FGD4: variants seen among roughly 807,000 people sequenced by gnomAD.
FGD4 encodes the protein FYVE, RhoGEF and PH domain containing 4, also known as FYVE, RhoGEF and PH domain-containing protein 4.
In FGD4, 42 loss-of-function variants were observed where a neutral mutation model predicts 102.0. That is an observed-to-expected ratio of 0.41 (90% CI 0.32 to 0.53). FGD4 has a LOEUF of 0.53. FGD4 is among the 20% of genes least tolerant of loss of function. The probability of loss-of-function intolerance (pLI) is 0.21; values close to 1 mark genes in which losing one functional copy is unlikely to be tolerated. For missense variants in FGD4, 902 were observed against 1,078.2 expected, an observed-to-expected ratio of 0.84 and a Z score of 2.29; for synonymous variants, 380 against 375.7, an observed-to-expected ratio of 1.01 and a Z score of -0.13.
intron 1 of FGD4, among the ~76,000 whole-genome samples, chr12:32,488,043 G>C (rs1255955986): frequency 6.6e-6 from 1 of 152,106 alleles, no homozygotes. Flanking sequence ...ATGCATAGGA[G>C]ATAAATCAAG....
At chr12:32,572,653 T>G (rs924761316) in intron 2 of FGD4, among the ~76,000 whole-genome samples, 1 of 152,236 alleles carries the variant, frequency 6.6e-6, no homozygotes, top group Non-Finnish European at 1.5e-5. Context: ...CATAACTAAT[T>G]TGGGAAATCT....
chr12:32,538,344 C>T (rs1007336828), intron 1 of FGD4, among the ~76,000 whole-genome samples: 1 of 152,148 alleles, frequency 6.6e-6, no homozygotes, highest in Non-Finnish European at 1.5e-5. Context: ...TTCTAATATT[C>T]AGTGCCTTTT....
rs973555713 is a variant in FGD4, at chr12:32,644,012, A to G, written c.*3479A>G. On this transcript the variant is annotated 3_prime_UTR_variant, in exon 17 of 17. Coordinates refer to ENST00000534526, the MANE Select transcript of FGD4 (RefSeq NM_001370298.3). ...CTAGGGAACAAGCGTCTTGGGTTTT[A>G]TAGGTATCTTTGCTATAATGCAGAA... 3.3e-5 allele frequency: 5 copies of G among 152,164 alleles called. No homozygotes were observed. The allele number at this position is 152,164 out of a possible 1,614,324, so 9.4% of individuals were successfully genotyped here.
chr12:32,636,447 C>T (rs936068293), intron 15 of FGD4, among the ~76,000 whole-genome samples: 1 of 151,920 alleles, frequency 6.6e-6, no homozygotes, highest in Non-Finnish European at 1.5e-5. Context: ...GCAGGATAAT[C>T]GCTTGAACCT....
intron 1 of FGD4, among the ~76,000 whole-genome samples, chr12:32,495,695 CAA>C (rs766436638): frequency 3.8e-4 from 29 of 76,026 alleles, no homozygotes; most frequent in African/African-American, 4.3e-4. Context: ...GACTCTGTTT[CAA>C]AAAAAAAAAA....
intron 1 of FGD4, chr12:32,486,142 C>T (rs1486414190): frequency 3.3e-6 from 5 of 1,526,774 alleles, no homozygotes; most frequent in East Asian, 4.9e-5. Context: ...TTATGGGGGG[C>T]TGTGAGTATT....
chr12:32,453,202 A>AT lies in FGD4; in HGVS notation c.166+53244dup, dbSNP rs1341534120. 3.2e-3 allele frequency among the ~76,000 whole-genome samples: 380 copies of AT among 117,558 alleles called. 1 individual carries two copies. Among genetic ancestry groups the AT allele is most frequent in the East Asian group, 0.013 (57 of 4,258 alleles). 77.1% of individuals were successfully genotyped at this position (117,558 alleles called of 152,430 possible). On this transcript the variant is annotated intron_variant, in intron 1 of 16. Transcript: ENST00000534526. ...TATATATATATTTTATATATATATT[A>AT]TATATATATATATATATAATATAGA...
At chr12:32,600,413 A>G (rs1228495051) in intron 5 of FGD4, 1 of 1,284,478 alleles carries the variant, frequency 7.8e-7, no homozygotes, top group African/African-American at 1.5e-5. Flanking sequence ...TCTCAAGAAA[A>G]TAGAGTGGAG....
At position 32,439,374 on chromosome 12, in the gene FGD4, G is replaced by T. The variant is rs567000400; in HGVS notation, c.166+39415G>T. Among the ~76,000 whole-genome samples, 58 of 152,296 alleles carry T rather than the reference G, an allele frequency of 3.8e-4. No homozygotes were observed. In the South Asian group the frequency reaches 0.012, roughly 31 times the overall value. On this transcript the variant is annotated intron_variant, in intron 1 of 16. Transcript: ENST00000534526. ...TATTCAGCTGTTGCTGAACACTTAGGTTGATTCCATATCTTGGCTATTGTG... is the reference window on the plus strand; with the variant it reads ...TATTCAGCTGTTGCTGAACACTTAGTTTGATTCCATATCTTGGCTATTGTG...
chr12:32,487,827 G>A (rs925126418), intron 1 of FGD4, among the ~76,000 whole-genome samples: 1 of 152,130 alleles, frequency 6.6e-6, no homozygotes, highest in African/African-American at 2.4e-5. Context: ...TCAGCCTCCC[G>A]ATAGCTGGGA....
At chr12:32,610,256 A>AT (rs1949057711) in intron 8 of FGD4, among the ~76,000 whole-genome samples, 1 of 152,218 alleles carries the variant, frequency 6.6e-6, no homozygotes, top group African/African-American at 2.4e-5. Flanking sequence ...TGGAGCTAAA[A>AT]TACTTAATGG....
intron 14 of FGD4, among the ~76,000 whole-genome samples, chr12:32,627,719 C>T (rs571133116): frequency 3.2e-4 from 49 of 151,918 alleles, no homozygotes; most frequent in Non-Finnish European, 5.7e-4. Flanking sequence ...CTCAGGCCAG[C>T]GAAGGCAGAT....
At chr12:32,614,405 A>C (rs1047848106) in intron 10 of FGD4, among the ~76,000 whole-genome samples, 4 of 152,226 alleles carry the variant, frequency 2.6e-5, no homozygotes, top group Admixed American at 2.6e-4. Context: ...AAAGAGGTCC[A>C]GTCAAGAGCA....
In FGD4 at chr12:32,640,700, G is replaced by A. The variant is rs138847108; in HGVS notation, c.*167G>A. On this transcript the variant is annotated 3_prime_UTR_variant, in exon 17 of 17. Transcript: ENST00000534526. ...TTTATGTACTCTTAGTGAAATTAGTGTGCAGAGTCATTCTACCGATAAAGT... is the reference window on the plus strand; with the variant it reads ...TTTATGTACTCTTAGTGAAATTAGTATGCAGAGTCATTCTACCGATAAAGT... The A allele has an allele frequency of 4.3e-4, 401 of 924,366 alleles. 1 individual carries two copies. In the African/African-American group the frequency reaches 6.1e-3, roughly 14 times the overall value. 57.3% of individuals were successfully genotyped at this position (924,366 alleles called of 1,614,324 possible). A position where few individuals can be genotyped will look rare whatever the true frequency, so the allele number is the denominator to read the frequency against.
rs149328012 is a variant in FGD4 at position 32,636,529 on chromosome 12, G to A, written c.2314-2126G>A. Among the ~76,000 whole-genome samples, 1,080 of 146,694 alleles carry A rather than the reference G, an allele frequency of 7.4e-3. 10 individuals are homozygous for A. Among genetic ancestry groups the A allele is most frequent in the African/African-American group, 0.026 (1,034 of 39,696 alleles). On this transcript the variant is annotated intron_variant, in intron 15 of 16. Coordinates refer to ENST00000534526, the MANE Select transcript of FGD4 (RefSeq NM_001370298.3). Reference sequence around the variant, plus strand: ...GCCTGGGCAACAAGAGCTAAACTCCGTCTCAAAAAAAAAAAAAAATTGTCT... The same window carrying A: ...GCCTGGGCAACAAGAGCTAAACTCCATCTCAAAAAAAAAAAAAAATTGTCT...
chr12:32,541,542 T>A (rs1187001269), intron 1 of FGD4, among the ~76,000 whole-genome samples: 2 of 152,122 alleles, frequency 1.3e-5, no homozygotes, highest in Non-Finnish European at 2.9e-5. Context: ...ATTTTTGTAT[T>A]TTTAGTAGAG....
chr12:32,638,678 A>T lies in FGD4; in HGVS notation c.2337A>T (p.Gly779=). ...ILEIESAEVS[G]NSVVCSFLQY... ...AGATTGAATCAGCAGAAGTATCTGGAAACAGTGTGGTGTGCAGCTTTCTTC... is the reference window on the plus strand; with the variant it reads ...AGATTGAATCAGCAGAAGTATCTGGTAACAGTGTGGTGTGCAGCTTTCTTC... The change falls in exon 16 of 17, where the codon GGA becomes GGT. Residue 779 remains glycine, a synonymous_variant. Transcript: ENST00000534526. The T allele has an allele frequency of 1.2e-6, 2 of 1,614,170 alleles. No individual in the cohort carries two copies. Among genetic ancestry groups the T allele is most frequent in the Non-Finnish European group, 1.7e-6 (2 of 1,180,036 alleles).
chr12:32,588,788 G>C (rs907359154), intron 4 of FGD4, among the ~76,000 whole-genome samples: 3 of 152,194 alleles, frequency 2.0e-5, no homozygotes, highest in African/African-American at 7.2e-5. Flanking sequence ...ACAAAGGATG[G>C]GGTTTAACAG....
chr12:32,405,075 A>G (rs1940867201), intron 1 of FGD4, among the ~76,000 whole-genome samples: 1 of 151,796 alleles, frequency 6.6e-6, no homozygotes, highest in African/African-American at 2.4e-5. Context: ...CTGGGACTAC[A>G]ATCGCCTGCC....
Sources: allele counts gnomAD v4.1 joint callset (sites outside exome capture counted in the v4.1 genomes callset), GRCh38; gene constraint gnomAD v4.1.1; transcripts MANE v1.5; gene names NCBI Gene and HGNC (gene_info 2026-07-23, HGNC 2026-07-21).